Variants in CSMD1 observed in about 807,000 individuals in gnomAD.
CSMD1 encodes CUB and Sushi multiple domains 1.
In CSMD1, 213 loss-of-function variants were observed where a neutral mutation model predicts 417.5. That is an observed-to-expected ratio of 0.51 (90% CI 0.46 to 0.57). The LOEUF (loss-of-function observed/expected upper bound fraction) is 0.57, where lower values mean the gene tolerates loss of function less well. Among genes scored for constraint, CSMD1 ranks in the 20% least tolerant of loss-of-function variants. The pLI, the probability that CSMD1 is intolerant of heterozygous loss-of-function variation, is 0.00. For synonymous variants in CSMD1, 2,862 were observed against 1,736.8 expected, an observed-to-expected ratio of 1.65 and a Z score of -16.11; for missense variants, 6,923 against 4,529.7, an observed-to-expected ratio of 1.53 and a Z score of -15.17.
At chr8:4,452,976 G>A (rs1039782037) in intron 2 of CSMD1, among the ~76,000 whole-genome samples, 1 of 152,116 alleles carries the variant, frequency 6.6e-6, no homozygotes, top group African/African-American at 2.4e-5. Context: ...TTTTGTTTCT[G>A]GAGTTGCAGA....
intron 5 of CSMD1, among the ~76,000 whole-genome samples, chr8:3,997,037 T>G (rs761427249): frequency 6.6e-6 from 1 of 152,182 alleles, no homozygotes; most frequent in Non-Finnish European, 1.5e-5. Context: ...GGCCAACATT[T>G]CCTCTGTGTC....
intron 3 of CSMD1, among the ~76,000 whole-genome samples, chr8:4,108,159 GTTTTAT>G (rs539022872): frequency 5.1e-4 from 77 of 152,066 alleles, no homozygotes; most frequent in African/African-American, 1.8e-3. Context: ...AAGAGAGACA[GTTTTAT>G]TTTTATTAAG....
At chr8:3,767,955 C>T (rs574129211) in intron 5 of CSMD1, among the ~76,000 whole-genome samples, 42 of 152,272 alleles carry the variant, frequency 2.8e-4, no homozygotes, top group African/African-American at 8.4e-4. Flanking sequence ...GAACATTACA[C>T]GTCATGGGAT....
At chr8:4,086,586 T>C (rs1375514406) in intron 3 of CSMD1, among the ~76,000 whole-genome samples, 1 of 152,248 alleles carries the variant, frequency 6.6e-6, no homozygotes, top group Admixed American at 6.5e-5. Flanking sequence ...CCTCTACTGA[T>C]GCAGCTTAAC....
intron 7 of CSMD1, among the ~76,000 whole-genome samples, chr8:3,673,691 T>C (rs1049359616): frequency 6.6e-6 from 1 of 152,166 alleles, no homozygotes; most frequent in Non-Finnish European, 1.5e-5. Flanking sequence ...TTACACCCAA[T>C]CAGCTGGCTT....
chr8:4,322,834 C>T (rs1003002869), intron 3 of CSMD1, among the ~76,000 whole-genome samples: 24 of 152,040 alleles, frequency 1.6e-4, no homozygotes, highest in African/African-American at 3.9e-4. Flanking sequence ...AACTCTCCTA[C>T]AAACACACAA....
chr8:4,573,204 G>A (rs1282089933), intron 2 of CSMD1, among the ~76,000 whole-genome samples: 2 of 152,104 alleles, frequency 1.3e-5, no homozygotes, highest in Non-Finnish European at 2.9e-5. Context: ...AGGCATTCTG[G>A]TTTTTGGAAT....
At chr8:4,705,526 T>C (rs959492049) in intron 1 of CSMD1, among the ~76,000 whole-genome samples, 1 of 152,186 alleles carries the variant, frequency 6.6e-6, no homozygotes, top group Non-Finnish European at 1.5e-5. Flanking sequence ...ACAGCCTTTA[T>C]CTCTTTACCC....
chr8:3,289,733 G>C (rs1490789697), intron 25 of CSMD1, among the ~76,000 whole-genome samples: 1 of 147,250 alleles, frequency 6.8e-6, no homozygotes, highest in Non-Finnish European at 1.5e-5. Flanking sequence ...TTAGCCCTTT[G>C]TCAGATGAGG....
intron 4 of CSMD1, among the ~76,000 whole-genome samples, chr8:4,008,661 A>G (rs1469030787): frequency 1.7e-5 from 2 of 115,674 alleles, no homozygotes; most frequent in Admixed American, 2.6e-4. Context: ...CCCAGGCTGG[A>G]GTGCAGTGGT....
rs544753678 is a variant in CSMD1 at position 3,608,521 on chromosome 8, A to C, written c.1097+8189T>G. Among the ~76,000 whole-genome samples the C allele has an allele frequency of 1.3e-5, 2 of 152,002 alleles. 1 individual carries two copies. Among genetic ancestry groups the C allele is most frequent in the East Asian group, 3.9e-4 (2 of 5,140 alleles). ...GCTCACGCCTGTAATCCCAGCACTT[A>C]GGGAGGCCAAGGTGGGTGGATCACG... is the stretch of plus-strand genomic sequence containing the variant. On this transcript the variant is annotated intron_variant, in intron 8 of 69. Coordinates refer to ENST00000635120, the MANE Select transcript of CSMD1 (RefSeq NM_033225.6).
intron 38 of CSMD1, among the ~76,000 whole-genome samples, chr8:3,160,921 A>G (rs1305414184): frequency 6.6e-6 from 1 of 152,170 alleles, no homozygotes; most frequent in Non-Finnish European, 1.5e-5. Flanking sequence ...ATTTACCCCA[A>G]TGTACATGCA....
chr8:3,518,306 G>C (rs117049905), intron 10 of CSMD1, among the ~76,000 whole-genome samples: 1 of 152,210 alleles, frequency 6.6e-6, no homozygotes, highest in Non-Finnish European at 1.5e-5. Context: ...GCAGCCAAAA[G>C]CTGACGCAAA....
At chr8:3,959,904 G>A (rs1396052677) in intron 5 of CSMD1, among the ~76,000 whole-genome samples, 1 of 152,168 alleles carries the variant, frequency 6.6e-6, no homozygotes, top group African/African-American at 2.4e-5. Context: ...TTATTATTTA[G>A]ATGTATGGGT....
At chr8:3,563,639 C>G (rs932079979) in intron 10 of CSMD1, among the ~76,000 whole-genome samples, 2 of 151,952 alleles carry the variant, frequency 1.3e-5, no homozygotes, top group Non-Finnish European at 2.9e-5. Context: ...ACTTGTAATC[C>G]CAGCACTTTG....
chr8:4,335,077 C>G (rs570999113), intron 3 of CSMD1, among the ~76,000 whole-genome samples: 3 of 152,102 alleles, frequency 2.0e-5, no homozygotes, highest in Non-Finnish European at 2.9e-5. Context: ...AATTTTTGTA[C>G]TTTGTGTAGA....
intron 10 of CSMD1, among the ~76,000 whole-genome samples, chr8:3,543,654 T>A (rs1354476799): frequency 6.6e-6 from 1 of 151,244 alleles, no homozygotes; most frequent in African/African-American, 2.5e-5. Flanking sequence ...AAAAAAGAAT[T>A]GCCATTTTCT....
chr8:3,840,508 C>G (rs893967778), intron 5 of CSMD1, among the ~76,000 whole-genome samples: 1 of 151,796 alleles, frequency 6.6e-6, no homozygotes, highest in African/African-American at 2.4e-5. Context: ...AAAATATAGG[C>G]AAAACAAAAC....
chr8:3,970,802 G>C (rs995786807), intron 5 of CSMD1, among the ~76,000 whole-genome samples: 3 of 151,982 alleles, frequency 2.0e-5, no homozygotes, highest in African/African-American at 4.8e-5. Flanking sequence ...ACCCAGGCTG[G>C]AGTCCAGGGG....
Sources: gnomAD v4.1 joint callset for allele counts (sites outside exome capture counted in the v4.1 genomes callset) on GRCh38, gnomAD v4.1.1 for gene constraint, MANE v1.5 for transcripts, NCBI Gene and HGNC (gene_info 2026-07-23, HGNC 2026-07-21) for gene names.